The following TMEM165 variants were observed in gnomAD, a reference collection of about 807,000 sequenced individuals.
TMEM165 encodes transmembrane protein 165.
In TMEM165, 19 loss-of-function variants were observed where a neutral mutation model predicts 30.0. The ratio of observed to expected loss-of-function variants is 0.63; its 90% CI spans 0.44 to 0.93. The LOEUF (loss-of-function observed/expected upper bound fraction) is 0.93, where lower values mean the gene tolerates loss of function less well. Ranked by LOEUF, TMEM165 falls within the 40% of genes least tolerant of loss-of-function variation. The pLI, the probability that TMEM165 is intolerant of heterozygous loss-of-function variation, is 0.00. For missense variants in TMEM165, 340 were observed against 417.0 expected, an observed-to-expected ratio of 0.82 and a Z score of 1.61; for synonymous variants, 168 against 162.9, an observed-to-expected ratio of 1.03 and a Z score of -0.24.
At chr4:55,449,403 C>T in intron 3 of TMEM165, 1 of 1,613,450 alleles carries the variant, frequency 6.2e-7, no homozygotes, top group Non-Finnish European at 8.5e-7. Context: ...TACCTGACTA[C>T]TAAATGATGA....
rs1390306387 is a variant in TMEM165, at chr4:55,450,296, T to C, written c.409-1943T>C. ...CAGTTCAGAGATCTCAAATTCACAA[T>C]ACTGTTAACAACAACAAAAAAATCA... On this transcript the variant is annotated intron_variant, in intron 3 of 3. Coordinates refer to the TMEM165 transcript ENST00000608091. 3.8e-6 allele frequency: 6 copies of C among 1,591,706 alleles called. No individual in the cohort carries two copies. In the African/African-American group the frequency reaches 4.0e-5, roughly 11 times the overall value.
chr4:55,444,752 G>A (rs1392759691), intron 3 of TMEM165: 1 of 1,614,028 alleles, frequency 6.2e-7, no homozygotes, highest in Admixed American at 1.7e-5. Flanking sequence ...TCTTTCAGAT[G>A]TTGCATGGCT....
intron 1 of TMEM165, among the ~76,000 whole-genome samples, chr4:55,400,464 G>A (rs1205097357): frequency 1.5e-5 from 2 of 135,872 alleles, no homozygotes; most frequent in African/African-American, 5.6e-5. Flanking sequence ...ATATTTTTTT[G>A]TCTCACTCTG....
At chr4:55,423,062 C>A (rs1722050141) in intron 4 of TMEM165, 1 of 152,306 alleles carries the variant, frequency 6.6e-6, no homozygotes, top group Admixed American at 6.5e-5. Flanking sequence ...CTCACCTCAG[C>A]CTCCTGAATA....
At chr4:55,412,377 G>C (rs1178881889) in intron 2 of TMEM165, among the ~76,000 whole-genome samples, 2 of 112,896 alleles carry the variant, frequency 1.8e-5, no homozygotes, top group Non-Finnish European at 3.4e-5. Flanking sequence ...CTGGGTGATA[G>C]AGTGAGACTC....
intron 1 of TMEM165, chr4:55,397,546 T>A (rs1202968937): frequency 6.6e-6 from 1 of 152,154 alleles, no homozygotes; most frequent in African/African-American, 2.4e-5. Flanking sequence ...TCTTCCCACC[T>A]TGGAGAACCA....
At chr4:55,421,166 CAAAAAAAA>C (rs71194559) in intron 4 of TMEM165, among the ~76,000 whole-genome samples, 3 of 83,494 alleles carry the variant, frequency 3.6e-5, no homozygotes, top group African/African-American at 1.5e-4. Context: ...GATTCCATCT[CAAAAAAAA>C]AAAAAAAAAA....
chr4:55,419,653 T>C (rs1389962369), intron 4 of TMEM165, among the ~76,000 whole-genome samples: 2 of 152,224 alleles, frequency 1.3e-5, no homozygotes, highest in African/African-American at 4.8e-5. Context: ...CTGCCACTTT[T>C]CAACCTCTTT....
intron 3 of TMEM165, chr4:55,442,706 T>C (rs1198994216): frequency 2.0e-5 from 25 of 1,260,328 alleles, no homozygotes; most frequent in Non-Finnish European, 2.5e-5. Flanking sequence ...CTAGAATTCA[T>C]CATTCTAACA....
intron 2 of TMEM165, 108 bp from the exon 3 acceptor site, chr4:55,416,964 G>A (rs1721756516): frequency 2.1e-6 from 2 of 942,252 alleles, no homozygotes; most frequent in Non-Finnish European, 1.6e-6. Context: ...AGCTTCTAAT[G>A]TGAACCATTT....
At chr4:55,442,564 G>T (rs1426356922) in intron 3 of TMEM165, 1 of 1,612,086 alleles carries the variant, frequency 6.2e-7, no homozygotes, top group Non-Finnish European at 8.5e-7. Flanking sequence ...CAGTGGGGCT[G>T]TAAGAGTGCT....
At chr4:55,411,487 G>A (rs1391927131) in intron 1 of TMEM165, 127 bp from the exon 2 acceptor site, 1 of 799,102 alleles carries the variant, frequency 1.3e-6, no homozygotes, top group Admixed American at 2.7e-5. Context: ...CTTTCAGAGT[G>A]ATTAGACAGT....
rs149690623 is a variant in TMEM165, at chr4:55,411,179, G to A, written c.208-435G>A. Among the ~76,000 whole-genome samples, 377 of 151,882 alleles carry A rather than the reference G, an allele frequency of 2.5e-3. 3 individuals carry two copies. The highest frequency in any genetic ancestry group is 8.3e-3 in the African/African-American group (346 of 41,444). On this transcript the variant is annotated intron_variant, in intron 1 of 5. Transcript: ENST00000381334. ...GAATTTTAATGCATGGATATAGCAG[G>A]TCTGTACTCTGTTCTTAAAATTGTT...
chr4:55,428,247 T>TGG (rs1433760166), downstream of TMEM165: 2 of 152,094 alleles, frequency 1.3e-5, no homozygotes, highest in Admixed American at 6.5e-5. Context: ...GAGGCCTGAG[T>TGG]GGAGGTAGGC....
At chr4:55,438,472 A>G (rs1192795707) in intron 3 of TMEM165, 13 of 1,613,802 alleles carry the variant, frequency 8.1e-6, no homozygotes, top group Non-Finnish European at 9.3e-6. Context: ...ACTAGGTACC[A>G]TGACTGCCCC....
intron 3 of TMEM165, among the ~76,000 whole-genome samples, chr4:55,437,273 T>C (rs781649965): frequency 2.0e-5 from 3 of 152,108 alleles, no homozygotes; most frequent in Non-Finnish European, 4.4e-5. Context: ...AATAATCACA[T>C]CACATGTTAT....
chr4:55,423,772 CCAA>C (rs1481098433), intron 4 of TMEM165: 1 of 152,308 alleles, frequency 6.6e-6, no homozygotes, highest in African/African-American at 2.4e-5. Flanking sequence ...CAGCTAAAAA[CCAA>C]CAAGTGTCTG....
chr4:55,427,546 T>C, downstream of TMEM165, among the ~76,000 whole-genome samples: 1 of 151,730 alleles, frequency 6.6e-6, no homozygotes. Flanking sequence ...GGTTTTACCA[T>C]GTTGGCCAGG....
Position 55,444,560 on chromosome 4 carries a change from A to G in TMEM165, c.409-7679A>G. The stretch of plus-strand genomic sequence containing the variant: ...TATCTCTTGCATCTCACTTTTAATT[A>G]AGAAAAGTTAATTTTCCTAGAAATC... On this transcript the variant is annotated intron_variant, in intron 3 of 3. Coordinates refer to the TMEM165 transcript ENST00000608091. The G allele has an allele frequency of 1.9e-6, 3 of 1,585,034 alleles. 1 individual carries two copies. In the South Asian group the frequency reaches 3.3e-5, roughly 18 times the overall value.
Sources: allele counts gnomAD v4.1 joint callset (sites outside exome capture counted in the v4.1 genomes callset), GRCh38; gene constraint gnomAD v4.1.1; transcripts MANE v1.5; gene names NCBI Gene and HGNC (gene_info 2026-07-23, HGNC 2026-07-21).